DGKI: variants seen among roughly 807,000 people sequenced by gnomAD.
The protein encoded by DGKI is DAG kinase iota.
In DGKI, 55 loss-of-function variants were observed where a neutral mutation model predicts 147.5. The ratio of observed to expected loss-of-function variants is 0.37; its 90% CI spans 0.30 to 0.47. The LOEUF (loss-of-function observed/expected upper bound fraction) is 0.47, where lower values mean the gene tolerates loss of function less well. Among genes scored for constraint, DGKI ranks in the 20% least tolerant of loss-of-function variants. The pLI, the probability that DGKI is intolerant of heterozygous loss-of-function variation, is 1.00. For missense variants in DGKI, 1,007 were observed against 1,323.8 expected (o/e 0.76, Z 3.71); for synonymous variants, 469 against 477.1 (o/e 0.98, Z 0.22).
intron 1 of DGKI, among the ~76,000 whole-genome samples, chr7:137,783,792 T>C (rs1033195153): frequency 6.6e-6 from 1 of 152,194 alleles, no homozygotes; most frequent in Non-Finnish European, 1.5e-5. Flanking sequence ...GCAGAAACCA[T>C]ATAAACTAGA....
intron 1 of DGKI, among the ~76,000 whole-genome samples, chr7:137,785,584 G>A (rs572849591): frequency 3.3e-5 from 5 of 151,670 alleles, no homozygotes; most frequent in South Asian, 2.1e-4. Flanking sequence ...ACACTATTCC[G>A]CAAGATAGAC....
At chr7:137,526,567 T>C (rs1014408257) in intron 20 of DGKI, among the ~76,000 whole-genome samples, 5 of 152,022 alleles carry the variant, frequency 3.3e-5, no homozygotes, top group Non-Finnish European at 7.4e-5. Flanking sequence ...CTCAGATGGG[T>C]TTCCAGTAAC....
chr7:137,696,461 T>TTTTTTTTTTTTTTTTTTTTTTTTTTTTG (rs1554459920), intron 1 of DGKI, among the ~76,000 whole-genome samples: 1 of 109,074 alleles, frequency 9.2e-6, no homozygotes, highest in Non-Finnish European at 1.9e-5. Context: ...TTTTTTTTTT[T>TTTTTTTTTTTTTTTTTTTTTTTTTTTTG]TTGCTTAATG....
At chr7:137,589,567 T>G (rs746784324) in intron 12 of DGKI, among the ~76,000 whole-genome samples, 4 of 152,228 alleles carry the variant, frequency 2.6e-5, no homozygotes, top group Non-Finnish European at 5.9e-5. Context: ...GTTCTGATGT[T>G]TGTGCTTGAC....
rs575323528 is a variant in DGKI, at chr7:137,591,960, A to G, written c.1312-4750T>C. Among the ~76,000 whole-genome samples the G allele has an allele frequency of 9.2e-5, 14 of 152,338 alleles. No individual in the cohort carries two copies. The East Asian group carries it at 2.1e-3, about 23-fold the overall frequency. ...AGACTGTAAAGAACAGTAAAAGCAG[A>G]GGTTCCCTGCAGTAAAAAAGGGGCT... On this transcript the variant is annotated intron_variant, in intron 12 of 32. Coordinates refer to ENST00000614521, the MANE Select transcript of DGKI (RefSeq NM_001321708.2).
At chr7:137,588,715 A>G (rs2128984541) in intron 12 of DGKI, among the ~76,000 whole-genome samples, 1 of 152,180 alleles carries the variant, frequency 6.6e-6, no homozygotes, top group African/African-American at 2.4e-5. Flanking sequence ...TGACCTTGTG[A>G]TCTGCCCACC....
At chr7:137,678,751 C>A in intron 2 of DGKI, 99 bp from the exon 3 acceptor site, 1 of 1,047,576 alleles carries the variant, frequency 9.5e-7, no homozygotes, top group Non-Finnish European at 1.5e-6. Context: ...TTAGTGAAAC[C>A]AAGGAGTCTA....
At chr7:137,635,587 C>T (rs1376117922) in intron 6 of DGKI, among the ~76,000 whole-genome samples, 1 of 152,160 alleles carries the variant, frequency 6.6e-6, no homozygotes, top group African/African-American at 2.4e-5. Flanking sequence ...GGTGCAGAAG[C>T]GGCCATGTGA....
intron 1 of DGKI, among the ~76,000 whole-genome samples, chr7:137,818,707 G>T (rs1015725640): frequency 1.3e-5 from 2 of 152,136 alleles, no homozygotes; most frequent in African/African-American, 4.8e-5. Context: ...CTCCCAAAGT[G>T]CTGGGATTAC....
intron 23 of DGKI, among the ~76,000 whole-genome samples, chr7:137,475,326 A>G (rs1157591560): frequency 6.6e-6 from 1 of 152,204 alleles, no homozygotes; most frequent in East Asian, 1.9e-4. Flanking sequence ...GCTTGTCTTA[A>G]TCAGCAATCC....
intron 26 of DGKI, 68 bp from the exon 27 acceptor site, chr7:137,463,679 C>G: frequency 1.3e-6 from 2 of 1,574,290 alleles, no homozygotes; most frequent in Non-Finnish European, 1.7e-6. Flanking sequence ...TTTCCACTTT[C>G]TGAAGATGAA....
intron 1 of DGKI, among the ~76,000 whole-genome samples, chr7:137,842,350 C>T (rs1798569064): frequency 6.6e-6 from 1 of 152,214 alleles, no homozygotes; most frequent in Non-Finnish European, 1.5e-5. Context: ...ACATTCTAAT[C>T]ATCAACCTAT....
chr7:137,444,662 G>A (rs1183054734), intron 27 of DGKI, among the ~76,000 whole-genome samples: 2 of 152,220 alleles, frequency 1.3e-5, no homozygotes, highest in Non-Finnish European at 2.9e-5. Flanking sequence ...CATGAGGCCA[G>A]AAGGCAATCA....
intron 24 of DGKI, among the ~76,000 whole-genome samples, chr7:137,469,197 T>A (rs969014906): frequency 6.6e-6 from 1 of 152,184 alleles, no homozygotes; most frequent in African/African-American, 2.4e-5. Flanking sequence ...GCAAATAACA[T>A]AGAAATTATA....
At chr7:137,618,152 T>TATATGTATATA (rs1554442534) in intron 8 of DGKI, among the ~76,000 whole-genome samples, 206 of 14,384 alleles carry the variant, frequency 0.014, 16 homozygotes, top group Middle Eastern at 0.11. Context: ...TATATATATA[T>TATATGTATATA]TTTTTTTTTT....
At chr7:137,511,373 G>T (rs369982703) in intron 21 of DGKI, among the ~76,000 whole-genome samples, 2 of 152,172 alleles carry the variant, frequency 1.3e-5, no homozygotes, top group African/African-American at 2.4e-5. Context: ...GAGAATATTT[G>T]GCTTGGCAAT....
intron 23 of DGKI, 43 bp from the exon 24 acceptor site, chr7:137,469,662 C>A (rs1317824252): frequency 6.4e-7 from 1 of 1,572,198 alleles, no homozygotes; most frequent in South Asian, 1.1e-5. Context: ...ATTTCAATAA[C>A]CTGATGGGCT....
intron 21 of DGKI, among the ~76,000 whole-genome samples, chr7:137,495,368 G>A (rs1231159866): frequency 2.7e-5 from 4 of 150,088 alleles, no homozygotes; most frequent in South Asian, 4.2e-4. Flanking sequence ...AGATGTATAA[G>A]GAAGAGCTGG....
At chr7:137,426,788 C>T (rs1781352630) in intron 28 of DGKI, among the ~76,000 whole-genome samples, 1 of 151,500 alleles carries the variant, frequency 6.6e-6, no homozygotes, top group Admixed American at 6.6e-5. Context: ...CAACAAAGAT[C>T]AAAAGAGACA....
Sources: gnomAD v4.1 joint callset for allele counts (sites outside exome capture counted in the v4.1 genomes callset) on GRCh38, gnomAD v4.1.1 for gene constraint, MANE v1.5 for transcripts, NCBI Gene and HGNC (gene_info 2026-07-23, HGNC 2026-07-21) for gene names.